Variants in PARP15 observed in about 807,000 individuals in gnomAD.
The protein encoded by PARP15 is protein mono-ADP-ribosyltransferase PARP15.
A neutral mutation model predicts 62.1 loss-of-function variants in PARP15; 50 were observed. That is an observed-to-expected ratio of 0.81 (90% CI 0.64 to 1.02). The LOEUF is 1.02. PARP15 is among the 50% of genes least tolerant of loss of function. PARP15 has a pLI of 0.00. For missense variants in PARP15, 820 were observed against 826.5 expected (o/e 0.99, Z 0.10); for synonymous variants, 309 against 293.1 (o/e 1.05, Z -0.55).
intron 4 of PARP15, chr3:122,615,361 A>G (rs1935888354): frequency 7.7e-7 from 1 of 1,294,322 alleles, no homozygotes; most frequent in East Asian, 5.5e-5. Flanking sequence ...TGTACCTAAC[A>G]GCCAAAGATG....
Position 122,636,171 on chromosome 3 carries a change from C to T in PARP15, c.*71C>T, listed in dbSNP as rs2107615287. On this transcript the variant is annotated 3_prime_UTR_variant, in exon 12 of 12. Coordinates refer to ENST00000464300, the MANE Select transcript of PARP15 (RefSeq NM_001113523.3). ...CAACATGCAATCTTTGTCTTTGCTT[C>T]TGGCCTGTGTAAGCAGATGAAAGTT... is the stretch of plus-strand genomic sequence containing the variant. 2.0e-6 allele frequency: 3 copies of T among 1,465,124 alleles called. No individual in the cohort carries two copies. The highest frequency in any genetic ancestry group is 2.8e-6 in the Non-Finnish European group (3 of 1,076,370). 90.8% of individuals were successfully genotyped at this position (1,465,124 alleles called of 1,614,324 possible). A position where few individuals can be genotyped will look rare whatever the true frequency, so the allele number is the denominator to read the frequency against.
intron 1 of PARP15, among the ~76,000 whole-genome samples, chr3:122,580,716 A>G (rs933328580): frequency 6.6e-6 from 1 of 152,184 alleles, no homozygotes; most frequent in Non-Finnish European, 1.5e-5. Context: ...ATAATATTTT[A>G]TACGTATATA....
intron 10 of PARP15, 101 bp downstream of exon 10, chr3:122,632,320 G>A: frequency 8.7e-7 from 1 of 1,148,786 alleles, no homozygotes; most frequent in Non-Finnish European, 1.2e-6. Flanking sequence ...ACCTTACTAT[G>A]TTTATTTTAA....
At chr3:122,593,086 A>T (rs34720770) in intron 1 of PARP15, among the ~76,000 whole-genome samples, 2,326 of 124,322 alleles carry the variant, frequency 0.019, 51 homozygotes, top group African/African-American at 0.05. Context: ...AGATAAAATT[A>T]TCTGTCTATC....
rs1399792420 is a variant in PARP15 at position 122,578,053 on chromosome 3, T to G, written c.186+200T>G. On this transcript the variant is annotated intron_variant, in intron 1 of 11. Coordinates refer to ENST00000464300, the MANE Select transcript of PARP15 (RefSeq NM_001113523.3). ...CTTTTTCCTTAGCATTTCTGGTGGT[T>G]TTTTTTTTTTTTCCCTTAAAATTTA... Among the ~76,000 whole-genome samples the G allele has an allele frequency of 3.1e-4, 45 of 145,046 alleles. No homozygotes were observed. The South Asian group carries it at 4.8e-3, about 16-fold the overall frequency.
rs1215534607 is a variant in PARP15 at position 122,605,942 on chromosome 3, GACA to G, written c.198_200del (p.Asn66del). 1.3e-6 allele frequency: 2 copies of G among 1,551,354 alleles called. No individual in the cohort carries two copies. Among genetic ancestry groups the G allele is most frequent in the East Asian group, 2.4e-5 (1 of 40,914 alleles). On this transcript the variant is annotated inframe_deletion, in exon 2 of 12. Transcript: ENST00000464300. ...TTTACTGTTTTCTCCACAGTCCAGA[GACA>G]ACAAGTTCAGCAAGAAAGATTGTCT...
chr3:122,632,242 TG>T, intron 10 of PARP15, 23 bp downstream of exon 10: 1 of 1,601,458 alleles, frequency 6.2e-7, no homozygotes. Context: ...TAAAATTTAC[TG>T]TTCAAAAATG....
At chr3:122,593,814 T>C (rs1934135736) in intron 1 of PARP15, among the ~76,000 whole-genome samples, 2 of 152,194 alleles carry the variant, frequency 1.3e-5, no homozygotes, top group African/African-American at 4.8e-5. Context: ...ATTTTGTCGC[T>C]TGTTTTGAAA....
intron 1 of PARP15, among the ~76,000 whole-genome samples, chr3:122,596,767 G>C (rs1173250793): frequency 6.6e-6 from 1 of 152,164 alleles, no homozygotes; most frequent in Non-Finnish European, 1.5e-5. Context: ...TCACCTGCAT[G>C]TCCCTTCCCA....
chr3:122,628,243 T>TTAAGC (rs1228765045), intron 9 of PARP15, among the ~76,000 whole-genome samples: 1 of 152,180 alleles, frequency 6.6e-6, no homozygotes, highest in Non-Finnish European at 1.5e-5. Context: ...CTGAGAGTCT[T>TTAAGC]TCTGATTGGA....
At chr3:122,594,746 G>A in intron 1 of PARP15, 1 of 977,474 alleles carries the variant, frequency 1.0e-6, no homozygotes, top group Non-Finnish European at 1.2e-6. Flanking sequence ...TTTACTTCTA[G>A]ATGTCAACAC....
chr3:122,627,782 C>T (rs1020034320), intron 9 of PARP15, among the ~76,000 whole-genome samples: 1 of 152,240 alleles, frequency 6.6e-6, no homozygotes, highest in Non-Finnish European at 1.5e-5. Context: ...TGTCAGTTCT[C>T]TCTACATTTA....
chr3:122,632,020 G>A (rs1937084152), intron 9 of PARP15, 66 bp from the exon 10 acceptor site: 1 of 1,587,170 alleles, frequency 6.3e-7, no homozygotes, highest in Non-Finnish European at 8.6e-7. Context: ...GTGCAGAGGA[G>A]GTGCCCTGAT....
chr3:122,581,867 T>C (rs1932976213), intron 1 of PARP15, among the ~76,000 whole-genome samples: 1 of 152,248 alleles, frequency 6.6e-6, no homozygotes, highest in Admixed American at 6.5e-5. Context: ...ATGTCTTCTT[T>C]ATGCCAGTAC....
intron 5 of PARP15, among the ~76,000 whole-genome samples, 198 bp from the exon 6 acceptor site, chr3:122,616,817 G>A (rs892944762): frequency 6.6e-6 from 1 of 152,040 alleles, no homozygotes; most frequent in East Asian, 1.9e-4. Flanking sequence ...TATGCTTACT[G>A]TCACAAAGCG....
At chr3:122,620,649 G>C (rs1936278924) in intron 7 of PARP15, among the ~76,000 whole-genome samples, 2 of 151,558 alleles carry the variant, frequency 1.3e-5, no homozygotes, top group Admixed American at 1.3e-4. Flanking sequence ...TACTGGGAGA[G>C]CTCGCTGTGC....
chr3:122,589,736 G>A (rs535259303), intron 1 of PARP15, among the ~76,000 whole-genome samples: 1 of 152,062 alleles, frequency 6.6e-6, no homozygotes, highest in Non-Finnish European at 1.5e-5. Flanking sequence ...TTTAAAAATT[G>A]TTGACTTGTA....
intron 1 of PARP15, among the ~76,000 whole-genome samples, chr3:122,599,748 A>G (rs758870355): frequency 2.2e-4 from 34 of 151,996 alleles, no homozygotes; most frequent in Non-Finnish European, 4.3e-4. Flanking sequence ...TAATTTTTCA[A>G]TGTTTTCATA....
intron 9 of PARP15, among the ~76,000 whole-genome samples, chr3:122,631,653 T>C (rs1320603564): frequency 6.6e-6 from 1 of 152,216 alleles, no homozygotes; most frequent in African/African-American, 2.4e-5. Flanking sequence ...TAAGATGGGG[T>C]ACAGAACAAT....
Sources: allele counts gnomAD v4.1 joint callset (sites outside exome capture counted in the v4.1 genomes callset), GRCh38; gene constraint gnomAD v4.1.1; transcripts MANE v1.5; gene names NCBI Gene and HGNC (gene_info 2026-07-23, HGNC 2026-07-21).